Variants in BRD7 observed in about 807,000 individuals in gnomAD.
The protein encoded by BRD7 is bromodomain-containing protein 7.
Under a neutral mutation model 82.1 loss-of-function variants are expected in BRD7, and 15 were observed. The ratio of observed to expected loss-of-function variants is 0.18; its 90% CI spans 0.12 to 0.28. The LOEUF (loss-of-function observed/expected upper bound fraction) is 0.28, where lower values mean the gene tolerates loss of function less well. BRD7 is among the 10% of genes least tolerant of loss of function. BRD7 has a pLI of 1.00. For missense variants in BRD7, 638 were observed against 779.9 expected (o/e 0.82, Z 2.17); for synonymous variants, 232 against 266.9 (o/e 0.87, Z 1.27).
intron 2 of BRD7, among the ~76,000 whole-genome samples, chr16:50,365,139 C>G (rs2039089604): frequency 6.6e-6 from 1 of 151,658 alleles, no homozygotes; most frequent in Non-Finnish European, 1.5e-5. Flanking sequence ...GGCAGGGAAC[C>G]TGAGAGTCTC....
intron 5 of BRD7, among the ~76,000 whole-genome samples, chr16:50,346,177 C>T (rs2151180985): frequency 6.6e-6 from 1 of 152,298 alleles, no homozygotes; most frequent in South Asian, 2.1e-4. Flanking sequence ...CTACCAGGTA[C>T]ATAACGAAAT....
intron 15 of BRD7, 93 bp downstream of exon 15, chr16:50,320,155 C>T: frequency 6.5e-7 from 1 of 1,528,820 alleles, no homozygotes; most frequent in Non-Finnish European, 8.8e-7. Context: ...GGATTCACAT[C>T]AGCATTACTC....
chr16:50,327,066 T>C (rs2037371159), intron 9 of BRD7, among the ~76,000 whole-genome samples: 1 of 152,226 alleles, frequency 6.6e-6, no homozygotes, highest in African/African-American at 2.4e-5. Flanking sequence ...GTGACCAGTG[T>C]GGTGAAGGCA....
Position 50,318,873 on chromosome 16 carries a change from T to TA in BRD7, c.*337dup, listed in dbSNP as rs1385429195. 1 of 204,518 alleles carries TA rather than the reference T, an allele frequency of 4.9e-6. No individual in the cohort carries two copies. The highest frequency in any genetic ancestry group is 2.3e-5 in the African/African-American group (1 of 43,176). The allele number at this position is 204,518 out of a possible 1,614,324, so 12.7% of individuals were successfully genotyped here. On this transcript the variant is annotated 3_prime_UTR_variant, in exon 17 of 17. Transcript: ENST00000394688. ...TAGTAAATTCTAAAATTATTTCAAG[T>TA]ATGTTCGTATAACGGAAAATCTCAC... is the stretch of plus-strand genomic sequence containing the variant.
In BRD7 at chr16:50,316,452, C is replaced by T. The variant is rs2036804169; in HGVS notation, c.*2759G>A. 1 of 152,358 alleles carries T rather than the reference C, an allele frequency of 6.6e-6. No homozygotes were observed. Among genetic ancestry groups the T allele is most frequent in the Non-Finnish European group, 1.5e-5 (1 of 68,034 alleles). 9.4% of individuals were successfully genotyped at this position (152,358 alleles called of 1,614,324 possible). A position where few individuals can be genotyped will look rare whatever the true frequency, so the allele number is the denominator to read the frequency against. On this transcript the variant is annotated 3_prime_UTR_variant, in exon 17 of 17. Coordinates refer to ENST00000394688, the MANE Select transcript of BRD7 (RefSeq NM_013263.5). ...CCTGCCGTCCTTCAACTGTATCTTACTTTTCTTACCAGAAAGGAATGGAGT... is the reference window on the plus strand; with the variant it reads ...CCTGCCGTCCTTCAACTGTATCTTATTTTTCTTACCAGAAAGGAATGGAGT...
intron 8 of BRD7, among the ~76,000 whole-genome samples, chr16:50,330,632 T>A (rs1394803247): frequency 6.6e-6 from 1 of 152,202 alleles, no homozygotes; most frequent in Admixed American, 6.5e-5. Flanking sequence ...TATGTCTATA[T>A]ATGTGTCATG....
chr16:50,364,748 T>G (rs530811806), intron 2 of BRD7, among the ~76,000 whole-genome samples: 11 of 152,322 alleles, frequency 7.2e-5, no homozygotes, highest in African/African-American at 2.6e-4. Context: ...CACTGCAGTA[T>G]TACATGTAAG....
chr16:50,351,471 A>G (rs1228913903), intron 4 of BRD7, among the ~76,000 whole-genome samples: 1 of 152,234 alleles, frequency 6.6e-6, no homozygotes, highest in Admixed American at 6.5e-5. Flanking sequence ...GGCCTCCTGC[A>G]GCTACCCTTT....
intron 5 of BRD7, among the ~76,000 whole-genome samples, chr16:50,340,414 CT>C (rs2037998144): frequency 6.6e-6 from 1 of 152,026 alleles, no homozygotes; most frequent in Non-Finnish European, 1.5e-5. Context: ...GAAGAAAATA[CT>C]TCTATTTCAT....
intron 9 of BRD7, among the ~76,000 whole-genome samples, 169 bp downstream of exon 9, chr16:50,328,500 G>GA (rs2037431115): frequency 1.3e-5 from 2 of 152,198 alleles, no homozygotes; most frequent in African/African-American, 4.8e-5. Context: ...AAGATGAAGT[G>GA]AAAGTTAGGC....
At chr16:50,337,991 T>G (rs548438633) in intron 6 of BRD7, among the ~76,000 whole-genome samples, 27 of 152,190 alleles carry the variant, frequency 1.8e-4, no homozygotes, top group Non-Finnish European at 3.5e-4. Context: ...ATTCAAGAGA[T>G]AATGGAATCT....
intron 2 of BRD7, among the ~76,000 whole-genome samples, chr16:50,367,621 G>A (rs117334619): frequency 0.03 from 4,528 of 152,238 alleles, 86 homozygotes; most frequent in Middle Eastern, 0.054. Context: ...TCCATTACAG[G>A]TTTCTGACCA....
At chr16:50,319,396 G>A (rs961373349) in intron 16 of BRD7, 130 bp from the exon 17 acceptor site, 5 of 733,284 alleles carry the variant, frequency 6.8e-6, no homozygotes, top group Non-Finnish European at 1.1e-5. Context: ...CAAGGCTGAA[G>A]ACTACGCGCA....
At chr16:50,368,012 A>T in intron 2 of BRD7, 78 bp downstream of exon 2, 1 of 1,445,500 alleles carries the variant, frequency 6.9e-7, no homozygotes, top group Non-Finnish European at 9.7e-7. Context: ...TTCCCCAGAT[A>T]CAAAGAAAAT....
Position 50,318,015 on chromosome 16 carries a change from A to G in BRD7, c.*1196T>C, listed in dbSNP as rs1290152967. On this transcript the variant is annotated 3_prime_UTR_variant, in exon 17 of 17. Transcript: ENST00000394688. ...TGGTGCATGCAAGTAACTAGGGTTT[A>G]TTCTATATAATGAATATTTATAGAT... 1 of 152,384 alleles carries G rather than the reference A, an allele frequency of 6.6e-6. No individual in the cohort carries two copies. The highest frequency in any genetic ancestry group is 1.5e-5 in the Non-Finnish European group (1 of 68,044). The allele number at this position is 152,384 out of a possible 1,614,324, so 9.4% of individuals were successfully genotyped here. A position where few individuals can be genotyped will look rare whatever the true frequency, so the allele number is the denominator to read the frequency against.
chr16:50,336,600 CA>C (rs1443567915), intron 6 of BRD7, among the ~76,000 whole-genome samples: 1 of 152,070 alleles, frequency 6.6e-6, no homozygotes, highest in Non-Finnish European at 1.5e-5. Flanking sequence ...CAAACAACAA[CA>C]AAAAGCAATC....
chr16:50,358,977 C>G (rs1038335013), intron 2 of BRD7, among the ~76,000 whole-genome samples: 3 of 152,212 alleles, frequency 2.0e-5, no homozygotes, highest in African/African-American at 7.2e-5. Flanking sequence ...AGGCTGTGAT[C>G]TCTACAGGTC....
At chr16:50,338,800 C>T (rs977816210) in intron 6 of BRD7, among the ~76,000 whole-genome samples, 1 of 152,174 alleles carries the variant, frequency 6.6e-6, no homozygotes, top group Admixed American at 6.5e-5. Context: ...TGCCCAAAGT[C>T]CACAAGTTAG....
intron 5 of BRD7, among the ~76,000 whole-genome samples, chr16:50,343,237 C>G (rs546498055): frequency 5.4e-4 from 82 of 152,282 alleles, no homozygotes; most frequent in Non-Finnish European, 9.8e-4. Context: ...GGGGGAAGGA[C>G]CTGGTGGGAG....
Sources: allele counts gnomAD v4.1 joint callset (sites outside exome capture counted in the v4.1 genomes callset), GRCh38; gene constraint gnomAD v4.1.1; transcripts MANE v1.5; gene names NCBI Gene and HGNC (gene_info 2026-07-23, HGNC 2026-07-21).